B3GLCT: variants seen among roughly 807,000 people sequenced by gnomAD.
B3GLCT encodes the protein beta-1,3-glucosyltransferase.
B3GLCT carries 65 observed loss-of-function variants against 63.4 expected under a neutral mutation model. The ratio of observed to expected loss-of-function variants is 1.03; its 90% CI spans 0.84 to 1.26. The LOEUF (loss-of-function observed/expected upper bound fraction) is 1.26, where lower values mean the gene tolerates loss of function less well. B3GLCT is among the 50% of genes most tolerant of loss of function. B3GLCT has a pLI of 0.00. For missense variants in B3GLCT, 577 were observed against 604.8 expected (o/e 0.95, Z 0.48); for synonymous variants, 233 against 219.2 (o/e 1.06, Z -0.55).
intron 13 of B3GLCT, among the ~76,000 whole-genome samples, chr13:31,323,475 G>C (rs1875433370): frequency 6.6e-6 from 1 of 152,170 alleles, no homozygotes; most frequent in African/African-American, 2.4e-5. Flanking sequence ...GGTATGAAAA[G>C]ATTCATTTCT....
intron 4 of B3GLCT, among the ~76,000 whole-genome samples, chr13:31,234,131 C>A (rs1215689611): frequency 6.6e-6 from 1 of 152,110 alleles, no homozygotes; most frequent in Non-Finnish European, 1.5e-5. Context: ...CATTCTCCTG[C>A]CTCAGCCTCC....
intron 4 of B3GLCT, among the ~76,000 whole-genome samples, chr13:31,237,159 T>C (rs1354113371): frequency 1.3e-5 from 2 of 148,874 alleles, no homozygotes; most frequent in African/African-American, 4.9e-5. Flanking sequence ...AGAACAAGAA[T>C]GGCTGACAGC....
intron 4 of B3GLCT, among the ~76,000 whole-genome samples, chr13:31,232,126 T>C (rs1350821407): frequency 1.3e-5 from 2 of 152,360 alleles, no homozygotes; most frequent in East Asian, 3.9e-4. Context: ...CTGAAGTTCC[T>C]GTCTCTAGAT....
intron 8 of B3GLCT, among the ~76,000 whole-genome samples, chr13:31,269,638 T>C (rs1566073013): frequency 1.5e-5 from 2 of 135,506 alleles, no homozygotes; most frequent in African/African-American, 5.9e-5. Flanking sequence ...AATGATCATG[T>C]CCCCGCCCCC....
At chr13:31,205,199 T>C (rs1262814686) in intron 1 of B3GLCT, among the ~76,000 whole-genome samples, 1 of 151,808 alleles carries the variant, frequency 6.6e-6, no homozygotes, top group Non-Finnish European at 1.5e-5. Flanking sequence ...GGAAGGTATT[T>C]TGGGGGGTCA....
chr13:31,264,610 T>C (rs1235380506), intron 7 of B3GLCT, among the ~76,000 whole-genome samples: 3 of 152,208 alleles, frequency 2.0e-5, no homozygotes, highest in African/African-American at 7.2e-5. Context: ...CCATCTAGCA[T>C]AGCAACTATC....
intron 4 of B3GLCT, among the ~76,000 whole-genome samples, chr13:31,233,791 C>A (rs1870498669): frequency 6.6e-6 from 1 of 152,120 alleles, no homozygotes; most frequent in Admixed American, 6.5e-5. Context: ...TACAGAGGGA[C>A]AAATCGATGT....
chr13:31,315,808 G>A (rs1874971818), intron 12 of B3GLCT, among the ~76,000 whole-genome samples: 1 of 152,218 alleles, frequency 6.6e-6, no homozygotes, highest in Non-Finnish European at 1.5e-5. Flanking sequence ...GAGTAAAAGT[G>A]GTTTCGTGGG....
chr13:31,224,960 C>T (rs1870020065), intron 3 of B3GLCT, among the ~76,000 whole-genome samples: 1 of 152,188 alleles, frequency 6.6e-6, no homozygotes, highest in African/African-American at 2.4e-5. Context: ...GCATTGGTTT[C>T]TTCTGCTTTC....
chr13:31,256,821 A>G (rs1355894443), intron 6 of B3GLCT, among the ~76,000 whole-genome samples: 1 of 152,154 alleles, frequency 6.6e-6, no homozygotes, highest in African/African-American at 2.4e-5. Context: ...TACCTAATGT[A>G]GATGACAGGT....
chr13:31,267,671 G>C (rs966417116), intron 7 of B3GLCT, among the ~76,000 whole-genome samples: 4 of 152,154 alleles, frequency 2.6e-5, no homozygotes, highest in African/African-American at 9.7e-5. Flanking sequence ...TCAGCTGTGA[G>C]ACAAATGCTT....
At chr13:31,237,222 C>G in intron 4 of B3GLCT, among the ~76,000 whole-genome samples, 1 of 151,960 alleles carries the variant, frequency 6.6e-6, no homozygotes, top group East Asian at 1.9e-4. Context: ...ATAACTTCAC[C>G]TGGAACTAAA....
At chr13:31,225,000 T>TGA (rs1470879595) in intron 3 of B3GLCT, among the ~76,000 whole-genome samples, 2 of 152,198 alleles carry the variant, frequency 1.3e-5, no homozygotes, top group East Asian at 3.8e-4. Flanking sequence ...TCAGCATCCA[T>TGA]TTTCTAACTA....
At chr13:31,227,482 G>A (rs962565318) in intron 3 of B3GLCT, among the ~76,000 whole-genome samples, 5 of 152,146 alleles carry the variant, frequency 3.3e-5, no homozygotes, top group Admixed American at 6.5e-5. Flanking sequence ...ACCCATTTAA[G>A]TCTTACCCAT....
At chr13:31,239,141 G>T (rs1870802684) in intron 4 of B3GLCT, among the ~76,000 whole-genome samples, 1 of 152,180 alleles carries the variant, frequency 6.6e-6, no homozygotes, top group South Asian at 2.1e-4. Context: ...TGTGGGATGG[G>T]TAAAGTGTGT....
At chr13:31,320,639 C>T (rs947191407) in intron 13 of B3GLCT, among the ~76,000 whole-genome samples, 9 of 152,196 alleles carry the variant, frequency 5.9e-5, no homozygotes, top group South Asian at 2.1e-4. Flanking sequence ...TAGAACTTCT[C>T]CCATTGCCTT....
At chr13:31,276,201 C>A (rs1001481164) in intron 9 of B3GLCT, among the ~76,000 whole-genome samples, 2 of 152,136 alleles carry the variant, frequency 1.3e-5, no homozygotes, top group Middle Eastern at 3.4e-3. Flanking sequence ...AGACTTGGGT[C>A]GCCAGTAAAG....
At chr13:31,261,703 G>A (rs1037858259) in intron 7 of B3GLCT, among the ~76,000 whole-genome samples, 1 of 152,182 alleles carries the variant, frequency 6.6e-6, no homozygotes, top group African/African-American at 2.4e-5. Context: ...TTAGGGAATG[G>A]AAAGTTGATA....
In B3GLCT at chr13:31,215,114, T is replaced by C; in HGVS notation, c.120+14T>C. On this transcript the variant is annotated intron_variant, in intron 2 of 14. Coordinates refer to ENST00000343307, the MANE Select transcript of B3GLCT (RefSeq NM_194318.4). The stretch of plus-strand genomic sequence containing the variant: ...AAGCAGTCTCAGGTACTAATCCCAA[T>C]GATCAAATCTTTTCCTCCCTTCTAA... The C allele has an allele frequency of 6.2e-7, 1 of 1,608,962 alleles. No homozygotes were observed. The highest frequency in any genetic ancestry group is 2.2e-5 in the East Asian group (1 of 44,780).
Sources: allele counts gnomAD v4.1 joint callset (sites outside exome capture counted in the v4.1 genomes callset), GRCh38; gene constraint gnomAD v4.1.1; transcripts MANE v1.5; gene names NCBI Gene and HGNC (gene_info 2026-07-23, HGNC 2026-07-21).